LRRCC1: variants seen among roughly 807,000 people sequenced by gnomAD.
The protein encoded by LRRCC1 is leucine-rich repeat and coiled-coil domain-containing protein 1.
A neutral mutation model predicts 126.0 loss-of-function variants in LRRCC1; 115 were observed. That is an observed-to-expected ratio of 0.91 (90% confidence interval 0.78 to 1.07). The LOEUF is 1.07. Among genes scored for constraint, LRRCC1 ranks in the 50% least tolerant of loss-of-function variants. The probability of loss-of-function intolerance (pLI) is 0.00; values close to 1 mark genes in which losing one functional copy is unlikely to be tolerated. For synonymous variants in LRRCC1, 400 were observed against 393.4 expected, an observed-to-expected ratio of 1.02 and a Z score of -0.20; for missense variants, 1,172 against 1,175.7, an observed-to-expected ratio of 1.00 and a Z score of 0.05.
intron 8 of LRRCC1, among the ~76,000 whole-genome samples, chr8:85,125,224 T>C (rs1013309757): frequency 6.6e-6 from 1 of 152,216 alleles, no homozygotes; most frequent in African/African-American, 2.4e-5. Context: ...AGGTAGTGCT[T>C]CCTACTTTTT....
In LRRCC1 at chr8:85,145,859, T is replaced by C. The variant is rs941997288; in HGVS notation, c.*348T>C. ...AGGTAAAACATTTTAATCATTGTTA[T>C]CTTATTGTGATGATGAAGAACTAAT... On this transcript the variant is annotated 3_prime_UTR_variant, in exon 19 of 19. Transcript: ENST00000360375. 2.6e-5 allele frequency: 4 copies of C among 154,404 alleles called. No homozygotes were observed. The highest frequency in any genetic ancestry group is 3.8e-4 in the East Asian group (2 of 5,256). 9.6% of individuals were successfully genotyped at this position (154,404 alleles called of 1,614,324 possible). A position where few individuals can be genotyped will look rare whatever the true frequency, so the allele number is the denominator to read the frequency against.
intron 12 of LRRCC1, among the ~76,000 whole-genome samples, chr8:85,134,203 C>T (rs1810693893): frequency 6.6e-6 from 1 of 152,180 alleles, no homozygotes; most frequent in Admixed American, 6.5e-5. Context: ...AACCTTTTAC[C>T]CAAGCATATA....
chr8:85,123,804 G>C (rs977020536), intron 7 of LRRCC1, among the ~76,000 whole-genome samples, 198 bp downstream of exon 7: 2 of 152,008 alleles, frequency 1.3e-5, no homozygotes, highest in Non-Finnish European at 2.9e-5. Context: ...CTGTACCTAA[G>C]TTGCAAAATT....
chr8:85,123,758 A>G (rs1353343627), intron 7 of LRRCC1, 152 bp downstream of exon 7: 2 of 559,498 alleles, frequency 3.6e-6, no homozygotes, highest in Non-Finnish European at 6.0e-6. Context: ...CAGTACATTC[A>G]TGTAAATGTA....
At chr8:85,138,530 A>G in intron 17 of LRRCC1, 55 bp downstream of exon 17, 1 of 1,515,142 alleles carries the variant, frequency 6.6e-7, no homozygotes, top group Non-Finnish European at 8.9e-7. Flanking sequence ...ACACTGTGGA[A>G]TGGGTGAAAT....
chr8:85,145,500 C>A lies in LRRCC1; in HGVS notation c.3088C>A (p.Gln1030Lys), dbSNP rs1051451993. Residue 1030 changes from glutamine to lysine, a missense_variant, in exon 19 of 19, where the codon CAA (glutamine) becomes AAA (lysine). Physicochemically the swap from Gln to Lys is moderately conservative, Grantham distance 53 (BLOSUM62 1). Transcript: ENST00000360375. ...QLAFALNEIQ[Q>K]DM ...TGCTTTTGCTTTAAATGAAATTCAG[C>A]AAGATATGTGATGGTTCTGAGAATG... 6.3e-7 allele frequency: 1 copy of A among 1,583,944 alleles called. No homozygotes were observed. The highest frequency in any genetic ancestry group is 1.9e-5 in the Admixed American group (1 of 53,200).
At chr8:85,121,701 G>A (rs781699935) in intron 6 of LRRCC1, among the ~76,000 whole-genome samples, 14 of 152,072 alleles carry the variant, frequency 9.2e-5, no homozygotes, top group Admixed American at 3.3e-4. Context: ...TTGGCTTCCC[G>A]AAGTGGTGGG....
At chr8:85,145,356 A>G in intron 18 of LRRCC1, 33 bp from the exon 19 acceptor site, 1 of 1,392,110 alleles carries the variant, frequency 7.2e-7, no homozygotes, top group South Asian at 1.6e-5. Flanking sequence ...TTTCTTTAAG[A>G]AATTAAAATG....
At chr8:85,130,847 A>G (rs988119763) in intron 11 of LRRCC1, among the ~76,000 whole-genome samples, 65 of 152,224 alleles carry the variant, frequency 4.3e-4, no homozygotes, top group African/African-American at 1.5e-3. Context: ...AGCCATAGAT[A>G]ATACATAAAT....
intron 14 of LRRCC1, 63 bp downstream of exon 14, chr8:85,136,026 T>C: frequency 7.4e-7 from 1 of 1,350,996 alleles, no homozygotes; most frequent in Non-Finnish European, 9.8e-7. Context: ...AATCTGGGTA[T>C]TGGAGAGAAA....
Position 85,115,503 on chromosome 8 carries a change from G to A in LRRCC1, c.849G>A (p.Glu283=). The A allele has an allele frequency of 1.9e-6, 3 of 1,613,658 alleles. No homozygotes were observed. The highest frequency in any genetic ancestry group is 2.5e-6 in the Non-Finnish European group (3 of 1,179,784). ...FMSVCQSSEP[E]KNNHENDLQN... ...CTGTGTGTCAATCTTCTGAGCCAGA[G>A]AAAAATAATCATGAAAACGATTTGC... is the stretch of plus-strand genomic sequence containing the variant. Residue 283 remains glutamate, a synonymous_variant, in exon 6 of 19, where the codon GAG becomes GAA. Transcript: ENST00000360375.
chr8:85,130,017 A>G lies in LRRCC1; in HGVS notation c.1725A>G (p.Gln575=). The part of the protein sequence containing the change: ...TSLHREREQA[Q]QLHQLLALKE... ...TTCATCGAGAAAGAGAACAAGCGCA[A>G]CAACTTCATCAACTTCTTGCATTGA... Residue 575 remains glutamine, a synonymous_variant, in exon 11 of 19, where the codon CAA becomes CAG. Coordinates refer to ENST00000360375, the MANE Select transcript of LRRCC1 (RefSeq NM_033402.5). 6.2e-7 allele frequency: 1 copy of G among 1,601,048 alleles called. No homozygotes were observed. The highest frequency in any genetic ancestry group is 8.5e-7 in the Non-Finnish European group (1 of 1,175,178).
chr8:85,123,348 A>T, intron 6 of LRRCC1, 65 bp from the exon 7 acceptor site: 1 of 1,045,334 alleles, frequency 9.6e-7, no homozygotes, highest in Non-Finnish European at 1.4e-6. Flanking sequence ...ATTTCAGAAG[A>T]TTTCCAATTT....
chr8:85,140,825 G>A (rs1220291868), intron 17 of LRRCC1, among the ~76,000 whole-genome samples: 2 of 152,172 alleles, frequency 1.3e-5, no homozygotes, highest in African/African-American at 4.8e-5. Context: ...TACTTTGGGA[G>A]GCCGAGGCGG....
rs747791209 is a variant in LRRCC1 at position 85,141,486 on chromosome 8, A to C, written c.2945A>C (p.Lys982Thr). The C allele has an allele frequency of 6.2e-7, 1 of 1,612,328 alleles. No individual in the cohort carries two copies. Among genetic ancestry groups the C allele is most frequent in the African/African-American group, 1.3e-5 (1 of 74,910 alleles). Residue 982 changes from lysine (K) to threonine (T), a missense_variant, in exon 18 of 19, where the codon AAG becomes ACG. Coordinates refer to ENST00000360375, the MANE Select transcript of LRRCC1 (RefSeq NM_033402.5). Reference protein sequence around the residue: ...QAEIAQLANEKQKCIDSANLK... With the variant: ...QAEIAQLANETQKCIDSANLK... ...GAAATAGCACAGCTGGCCAATGAAA[A>C]GCAGAAGTGTATTGATTCTGCAAAT...
At chr8:85,108,101 T>C (rs552356947) in intron 1 of LRRCC1, among the ~76,000 whole-genome samples, 32 of 152,346 alleles carry the variant, frequency 2.1e-4, no homozygotes, top group African/African-American at 7.5e-4. Flanking sequence ...ACTTACACTT[T>C]ATTTACCTGT....
intron 9 of LRRCC1, 107 bp downstream of exon 9, chr8:85,126,944 T>C: frequency 1.0e-6 from 1 of 960,290 alleles, no homozygotes. Context: ...ACAATGTATG[T>C]GGTTTTAGTT....
chr8:85,138,088 A>T lies in LRRCC1; in HGVS notation c.2547A>T (p.Glu849Asp). The change falls in exon 16 of 19, where the codon GAA becomes GAT. Residue 849 changes from glutamate (E) to aspartate (D), a missense_variant. Coordinates refer to ENST00000360375, the MANE Select transcript of LRRCC1 (RefSeq NM_033402.5). Reference sequence around the variant, plus strand: ...AAAGATTACAAGAAAAGATCACAGAAATAGAAAAATGCACTCAAGAACAAC... The same window carrying T: ...AAAGATTACAAGAAAAGATCACAGATATAGAAAAATGCACTCAAGAACAAC... ...HIKRLQEKITEIEKCTQEQLD... is the reference protein window; with the variant it reads ...HIKRLQEKITDIEKCTQEQLD... The T allele has an allele frequency of 1.2e-6, 2 of 1,600,562 alleles. No homozygotes were observed. Among genetic ancestry groups the T allele is most frequent in the Non-Finnish European group, 1.7e-6 (2 of 1,173,068 alleles).
rs941487655 is a variant in LRRCC1 at position 85,115,703 on chromosome 8, T to C, written c.930+119T>C. ...CTATTTTAGTGCATCAGTGTTCGTG[T>C]ATTTTTGTTTTCCTCTACAGAAATA... On this transcript the variant is annotated intron_variant, in intron 6 of 18. Transcript: ENST00000360375. 3 of 683,538 alleles carry C rather than the reference T, an allele frequency of 4.4e-6. No individual in the cohort carries two copies. The African/African-American group carries it at 5.4e-5, about 12-fold the overall frequency. The allele number at this position is 683,538 out of a possible 1,614,324, so 42.3% of individuals were successfully genotyped here.
Sources: gnomAD v4.1 joint callset for allele counts (sites outside exome capture counted in the v4.1 genomes callset) on GRCh38, gnomAD v4.1.1 for gene constraint, MANE v1.5 for transcripts, NCBI Gene and HGNC (gene_info 2026-07-23, HGNC 2026-07-21) for gene names.